ROCK2: variants seen among roughly 807,000 people sequenced by gnomAD.
ROCK2 encodes rho-associated protein kinase 2.
In ROCK2, 61 loss-of-function variants were observed where a neutral mutation model predicts 195.1. The ratio of observed to expected loss-of-function variants is 0.31; its 90% CI spans 0.25 to 0.39. The LOEUF is 0.39. ROCK2 is among the 10% of genes least tolerant of loss of function. The pLI is 1.00. For missense variants in ROCK2, 1,109 were observed against 1,637.4 expected (o/e 0.68, Z 5.57); for synonymous variants, 504 against 545.5 (o/e 0.92, Z 1.06).
intron 1 of ROCK2, among the ~76,000 whole-genome samples, chr2:11,330,383 A>C (rs1052010509): frequency 6.6e-6 from 1 of 152,198 alleles, no homozygotes; most frequent in African/African-American, 2.4e-5. Flanking sequence ...AAAATCCCAC[A>C]AACTATAACT....
At chr2:11,289,687 C>T (rs952424723) in intron 1 of ROCK2, among the ~76,000 whole-genome samples, 1 of 152,114 alleles carries the variant, frequency 6.6e-6, no homozygotes, top group Admixed American at 6.6e-5. Flanking sequence ...CAAGAGAAGC[C>T]TTTCTTTGAA....
In ROCK2 at chr2:11,286,799, G is replaced by A. The variant is rs191694756; in HGVS notation, c.224-160C>T. Among the ~76,000 whole-genome samples the A allele has an allele frequency of 7.0e-3, 1,070 of 152,164 alleles. 8 individuals are homozygous for A. The highest frequency in any genetic ancestry group is 9.8e-3 in the Non-Finnish European group (665 of 68,014). ...TTAAAAATCTAAGATATACATTAAC[G>A]TTAAAGAACCAAAACTCTCTATGGT... On this transcript the variant is annotated intron_variant, in intron 2 of 32. Transcript: ENST00000315872.
intron 1 of ROCK2, among the ~76,000 whole-genome samples, chr2:11,318,153 G>T (rs1156777876): frequency 2.0e-5 from 3 of 152,116 alleles, no homozygotes; most frequent in African/African-American, 7.2e-5. Flanking sequence ...GGGTCAAATG[G>T]TATCTCTAGT....
At chr2:11,219,273 A>C (rs7600696) in intron 9 of ROCK2, among the ~76,000 whole-genome samples, 71,252 of 148,342 alleles carry the variant, frequency 0.48, 18,268 homozygotes, top group Admixed American at 0.56. Context: ...TCAAGGCGGG[A>C]AAGATCACCT....
At position 11,214,875 on chromosome 2, in the gene ROCK2, C is replaced by T. The variant is rs913697140; in HGVS notation, c.1901G>A (p.Arg634Gln). 6.2e-7 allele frequency: 1 copy of T among 1,612,960 alleles called. No individual in the cohort carries two copies. The highest frequency in any genetic ancestry group is 2.2e-5 in the East Asian group (1 of 44,876). ...ATTAATTATCTCTGATCCATGGGTT[C>T]GATCCCTCCTTTCAGATTCTAGAGC... Reference protein sequence around the residue: ...QSALESERRDRTHGSEIINDL... With the variant: ...QSALESERRDQTHGSEIINDL... The change falls in exon 16 of 33, where the codon CGA (arginine) becomes CAA (glutamine). Residue 634 changes from arginine (R) to glutamine (Q), a missense_variant. Transcript: ENST00000315872.
At chr2:11,323,906 G>C (rs1410116870) in intron 1 of ROCK2, among the ~76,000 whole-genome samples, 1 of 151,984 alleles carries the variant, frequency 6.6e-6, no homozygotes, top group African/African-American at 2.4e-5. Context: ...ACATCCCATG[G>C]GTTCACACAA....
At chr2:11,326,391 G>A (rs1313227266) in intron 1 of ROCK2, among the ~76,000 whole-genome samples, 1 of 152,206 alleles carries the variant, frequency 6.6e-6, no homozygotes, top group African/African-American at 2.4e-5. Flanking sequence ...TAAGATTATG[G>A]TTTTAGCAGC....
rs1459450085 is a variant in ROCK2, at chr2:11,180,907, T to C, written c.*2530A>G. 2.0e-5 allele frequency: 3 copies of C among 152,198 alleles called. No individual in the cohort carries two copies. The highest frequency in any genetic ancestry group is 4.4e-5 in the Non-Finnish European group (3 of 68,030). 9.4% of individuals were successfully genotyped at this position (152,198 alleles called of 1,614,324 possible). A position where few individuals can be genotyped will look rare whatever the true frequency, so the allele number is the denominator to read the frequency against. On this transcript the variant is annotated 3_prime_UTR_variant, in exon 33 of 33. Transcript: ENST00000315872. The stretch of plus-strand genomic sequence containing the variant: ...TCAGAATTTTTTATTAAGCGCATTT[T>C]CATTAGTTGGACAAACAACCTTATA...
chr2:11,331,025 A>AGGAGGAGGGG (rs1668746440), intron 1 of ROCK2, among the ~76,000 whole-genome samples: 1 of 63,482 alleles, frequency 1.6e-5, no homozygotes, highest in Non-Finnish European at 3.1e-5. Flanking sequence ...AGAAGGAGGG[A>AGGAGGAGGGG]GGAGGAGGGA....
In ROCK2 at chr2:11,228,850, G is replaced by A. The variant is rs572397555; in HGVS notation, c.724-1452C>T. Among the ~76,000 whole-genome samples the A allele has an allele frequency of 1.2e-4, 18 of 152,034 alleles. 1 individual carries two copies. The South Asian group carries it at 3.7e-3, about 32-fold the overall frequency. On this transcript the variant is annotated intron_variant, in intron 5 of 32. Transcript: ENST00000315872. ...AAGGTTCAGAGGAAGGAGAAGAAAG[G>A]GCAAGATAAGAAAGAATTGGCATAA...
intron 3 of ROCK2, among the ~76,000 whole-genome samples, chr2:11,253,983 A>C (rs1436365135): frequency 6.6e-6 from 1 of 152,234 alleles, no homozygotes; most frequent in East Asian, 1.9e-4. Context: ...ACGCCTCTTT[A>C]ATAGAGAAAG....
intron 1 of ROCK2, among the ~76,000 whole-genome samples, chr2:11,337,765 C>G (rs1668976762): frequency 6.6e-6 from 1 of 151,996 alleles, no homozygotes; most frequent in African/African-American, 2.4e-5. Context: ...TCCCAAGCAG[C>G]TGGGATTACA....
At chr2:11,297,161 T>G (rs1240998182) in intron 1 of ROCK2, among the ~76,000 whole-genome samples, 1 of 152,054 alleles carries the variant, frequency 6.6e-6, no homozygotes. Context: ...TTACAAAGAC[T>G]AGGTAGGAAT....
intron 3 of ROCK2, among the ~76,000 whole-genome samples, chr2:11,262,509 T>C (rs1666263548): frequency 6.6e-6 from 1 of 152,176 alleles, no homozygotes; most frequent in Non-Finnish European, 1.5e-5. Flanking sequence ...GGGAGGTAAC[T>C]GAATCATGAG....
chr2:11,210,289 T>C (rs1202533396), intron 18 of ROCK2, among the ~76,000 whole-genome samples: 2 of 150,906 alleles, frequency 1.3e-5, no homozygotes, highest in Non-Finnish European at 3.0e-5. Flanking sequence ...GCATTGAGAA[T>C]AGAAAGAGGC....
At chr2:11,276,894 C>T (rs919024683) in intron 3 of ROCK2, among the ~76,000 whole-genome samples, 2 of 151,990 alleles carry the variant, frequency 1.3e-5, no homozygotes, top group Non-Finnish European at 2.9e-5. Context: ...TTACACCCCC[C>T]GTGAAGTGGT....
intron 1 of ROCK2, among the ~76,000 whole-genome samples, chr2:11,305,427 A>G (rs955114111): frequency 1.4e-5 from 2 of 138,884 alleles, no homozygotes; most frequent in African/African-American, 2.7e-5. Flanking sequence ...AGATGTAGAT[A>G]AATGTCTGTG....
At chr2:11,198,986 C>T (rs1231740721) in intron 23 of ROCK2, among the ~76,000 whole-genome samples, 3 of 151,694 alleles carry the variant, frequency 2.0e-5, no homozygotes, top group Non-Finnish European at 4.4e-5. Flanking sequence ...CTGCAACCTC[C>T]GCCTCCTGGG....
intron 1 of ROCK2, among the ~76,000 whole-genome samples, chr2:11,293,540 C>G (rs1667423784): frequency 6.6e-6 from 1 of 152,186 alleles, no homozygotes; most frequent in East Asian, 1.9e-4. Context: ...GCCTCAGGCT[C>G]TAACATGGCT....
Sources: gnomAD v4.1 joint callset for allele counts (sites outside exome capture counted in the v4.1 genomes callset) on GRCh38, gnomAD v4.1.1 for gene constraint, MANE v1.5 for transcripts, NCBI Gene and HGNC (gene_info 2026-07-23, HGNC 2026-07-21) for gene names.